TTC7B: variants seen among roughly 807,000 people sequenced by gnomAD.
TTC7B encodes the protein tetratricopeptide repeat domain 7B, also known as tetratricopeptide repeat protein 7B.
TTC7B carries 28 observed loss-of-function variants against 106.8 expected under a neutral mutation model. The ratio of observed to expected loss-of-function variants is 0.26; its 90% CI spans 0.19 to 0.36. The LOEUF (loss-of-function observed/expected upper bound fraction) is 0.36. Ranked by LOEUF, TTC7B falls within the 10% of genes least tolerant of loss-of-function variation. The pLI is 1.00. For missense variants in TTC7B, 862 were observed against 1,076.4 expected (o/e 0.80, Z 2.79); for synonymous variants, 405 against 430.6 (o/e 0.94, Z 0.74).
At position 90,616,894 on chromosome 14, in the gene TTC7B, A is replaced by G. The variant is rs1379701320; in HGVS notation, c.1868+1035T>C. 2.0e-5 allele frequency among the ~76,000 whole-genome samples: 3 copies of G among 152,208 alleles called. No individual in the cohort carries two copies. In the East Asian group the frequency reaches 5.8e-4, roughly 29 times the overall value. ...CTTAAAAGCATGATATCAGCTGACC[A>G]GACACCTTACTAGGAAAGTAAAAAA... On this transcript the variant is annotated intron_variant, in intron 16 of 19. Transcript: ENST00000328459.
intron 9 of TTC7B, among the ~76,000 whole-genome samples, chr14:90,670,210 G>A (rs1004282349): frequency 1.3e-5 from 2 of 152,184 alleles, no homozygotes; most frequent in African/African-American, 4.8e-5. Context: ...TAACATGGCT[G>A]AATCTTGAAA....
rs1408845350 is a variant in TTC7B, at chr14:90,608,553, G to C, written c.1966+2189C>G. 6.6e-6 allele frequency among the ~76,000 whole-genome samples: 1 copy of C among 152,160 alleles called. No homozygotes were observed. Among genetic ancestry groups the C allele is most frequent in the Non-Finnish European group, 1.5e-5 (1 of 68,032 alleles). Reference sequence around the variant, plus strand: ...CCAAACACCTAGGCTCTCTGGAAGTGAATGGTGGCCCACCCGAGAGACTGG... The same window carrying C: ...CCAAACACCTAGGCTCTCTGGAAGTCAATGGTGGCCCACCCGAGAGACTGG... On this transcript the variant is annotated intron_variant, in intron 17 of 19. Coordinates refer to ENST00000328459, the MANE Select transcript of TTC7B (RefSeq NM_001010854.2). The surrounding 1 kb of genome is among the most constrained non-coding windows in gnomAD (Gnocchi z 5.1).
chr14:90,780,108 G>C (rs775210397), intron 3 of TTC7B, among the ~76,000 whole-genome samples: 26 of 152,184 alleles, frequency 1.7e-4, no homozygotes, highest in Non-Finnish European at 1.5e-5. Flanking sequence ...GAAGCTGGGC[G>C]CGGTGGCTCA....
At chr14:90,707,582 G>T (rs1191474557) in intron 5 of TTC7B, among the ~76,000 whole-genome samples, 1 of 152,094 alleles carries the variant, frequency 6.6e-6, no homozygotes, top group Non-Finnish European at 1.5e-5. Context: ...AATTAAAAGT[G>T]CCTACTCCAG....
chr14:90,800,207 C>T (rs539998990), intron 1 of TTC7B, among the ~76,000 whole-genome samples: 1 of 152,168 alleles, frequency 6.6e-6, no homozygotes, highest in Admixed American at 6.5e-5. Context: ...GGCAAGGCTA[C>T]AAATGGTTAG....
chr14:90,617,874 G>T, intron 16 of TTC7B, 55 bp downstream of exon 16: 1 of 1,386,916 alleles, frequency 7.2e-7, no homozygotes, highest in Non-Finnish European at 1.0e-6. Context: ...AGAAGGCACT[G>T]ATAGGCAGGG....
chr14:90,588,560 G>A (rs73326806), intron 18 of TTC7B, among the ~76,000 whole-genome samples: 4,535 of 152,238 alleles, frequency 0.03, 215 homozygotes, highest in African/African-American at 0.1. Context: ...CAAGGAAGAT[G>A]AGGAATGGCT....
chr14:90,742,895 C>T lies in TTC7B; in HGVS notation c.576+1897G>A, dbSNP rs1174536154. ...CTTTCTCCCAGCCGGGAGAAGACGG[C>T]TCCAAAGTGACAGGGCTGGACAACA... On this transcript the variant is annotated intron_variant, in intron 4 of 19. Transcript: ENST00000328459. The surrounding 1 kb of genome is among the most constrained non-coding windows in gnomAD (Gnocchi z 4.1). 6.6e-6 allele frequency among the ~76,000 whole-genome samples: 1 copy of T among 152,182 alleles called. No homozygotes were observed. The highest frequency in any genetic ancestry group is 1.5e-5 in the Non-Finnish European group (1 of 68,032).
chr14:90,783,804 G>A (rs969058584), intron 2 of TTC7B, among the ~76,000 whole-genome samples: 1 of 152,084 alleles, frequency 6.6e-6, no homozygotes, highest in African/African-American at 2.4e-5. Flanking sequence ...AGGTGTGGTG[G>A]CATGCGGCTG....
Position 90,657,063 on chromosome 14 carries a change from G to T in TTC7B, c.1341+111C>A. On this transcript the variant is annotated intron_variant, in intron 11 of 19. Transcript: ENST00000328459. This position sits in a 1 kb window ranked among gnomAD's most constrained non-coding sequence, Gnocchi z 4.2. Reference sequence around the variant, plus strand: ...CGTGGCTCTACACAGTCTTGTCTTTGTACAGCTGATGAATCACCCTCGCTT... The same window carrying T: ...CGTGGCTCTACACAGTCTTGTCTTTTTACAGCTGATGAATCACCCTCGCTT... 1.1e-6 allele frequency: 1 copy of T among 951,302 alleles called. No homozygotes were observed. The highest frequency in any genetic ancestry group is 1.6e-6 in the Non-Finnish European group (1 of 631,190). The allele number at this position is 951,302 out of a possible 1,614,324, so 58.9% of individuals were successfully genotyped here. A position where few individuals can be genotyped will look rare whatever the true frequency, so the allele number is the denominator to read the frequency against.
chr14:90,813,445 A>C (rs2031009068), intron 1 of TTC7B, among the ~76,000 whole-genome samples: 1 of 152,172 alleles, frequency 6.6e-6, no homozygotes, highest in South Asian at 2.1e-4. Flanking sequence ...CAGAGCAGGT[A>C]CTCAATCTTT....
chr14:90,669,091 T>C (rs970845840), intron 9 of TTC7B, among the ~76,000 whole-genome samples: 1 of 152,058 alleles, frequency 6.6e-6, no homozygotes, highest in Non-Finnish European at 1.5e-5. Flanking sequence ...TTGATAAGGG[T>C]GCCAAGTCCA....
At chr14:90,680,983 T>C (rs1887028105) in intron 7 of TTC7B, among the ~76,000 whole-genome samples, 1 of 152,248 alleles carries the variant, frequency 6.6e-6, no homozygotes, top group Non-Finnish European at 1.5e-5. Flanking sequence ...GAAGCAATTT[T>C]AGAGTTTGAA....
intron 5 of TTC7B, among the ~76,000 whole-genome samples, chr14:90,702,388 C>T (rs931882997): frequency 2.0e-5 from 3 of 151,918 alleles, no homozygotes; most frequent in African/African-American, 7.3e-5. Context: ...ACCTCACTGT[C>T]GTAAGAATTA....
intron 17 of TTC7B, among the ~76,000 whole-genome samples, chr14:90,594,666 C>T (rs776942019): frequency 6.6e-5 from 10 of 152,116 alleles, no homozygotes; most frequent in Admixed American, 6.5e-5. Context: ...GTGGTAACTA[C>T]CAACTCATCA....
chr14:90,563,627 C>A (rs1465570272), intron 19 of TTC7B, among the ~76,000 whole-genome samples: 1 of 152,108 alleles, frequency 6.6e-6, no homozygotes, highest in East Asian at 1.9e-4. Context: ...ACTGATGGAC[C>A]CTTCCTTGGA....
chr14:90,640,473 G>A (rs1043124858), intron 15 of TTC7B, among the ~76,000 whole-genome samples: 4 of 151,458 alleles, frequency 2.6e-5, no homozygotes, highest in Admixed American at 2.0e-4. Context: ...TTTAAGATAC[G>A]TGTAAGTATA....
chr14:90,588,217 A>G (rs1309454097), intron 18 of TTC7B, among the ~76,000 whole-genome samples: 1 of 152,192 alleles, frequency 6.6e-6, no homozygotes, highest in South Asian at 2.1e-4. Flanking sequence ...AGTCTGGGCA[A>G]AGGCGCCAGG....
chr14:90,724,729 T>A (rs1474856822), intron 5 of TTC7B, among the ~76,000 whole-genome samples: 3 of 152,192 alleles, frequency 2.0e-5, no homozygotes, highest in Admixed American at 2.0e-4. Flanking sequence ...CAATTAAACC[T>A]CTTTTCTTTA....
Sources: allele counts gnomAD v4.1 joint callset (sites outside exome capture counted in the v4.1 genomes callset), GRCh38; gene constraint gnomAD v4.1.1; non-coding constraint Gnocchi (gnomAD v3.1); transcripts MANE v1.5; gene names NCBI Gene and HGNC (gene_info 2026-07-23, HGNC 2026-07-21).